Variants in LIMS1 observed in about 807,000 individuals in gnomAD.
LIMS1 encodes the protein LIM zinc finger domain containing 1, also known as LIM and senescent cell antigen-like-containing domain protein 1.
Under a neutral mutation model 44.1 loss-of-function variants are expected in LIMS1, and 18 were observed. That is an observed-to-expected ratio of 0.41 (90% confidence interval 0.28 to 0.61). LIMS1 has a LOEUF of 0.61. LIMS1 is among the 20% of genes least tolerant of loss of function. The probability of loss-of-function intolerance (pLI) is 0.32; values close to 1 mark genes in which losing one functional copy is unlikely to be tolerated. For missense variants in LIMS1, 201 were observed against 422.0 expected (o/e 0.48, Z 4.59); for synonymous variants, 93 against 149.1 (o/e 0.62, Z 2.74).
intron 1 of LIMS1, among the ~76,000 whole-genome samples, chr2:108,557,900 A>T (rs992255453): frequency 6.6e-6 from 1 of 152,220 alleles, no homozygotes; most frequent in African/African-American, 2.4e-5. Flanking sequence ...TGTGTGTGAG[A>T]ACAAATTGGT....
At chr2:108,623,234 G>C (rs1439521634) in intron 1 of LIMS1, among the ~76,000 whole-genome samples, 1 of 151,368 alleles carries the variant, frequency 6.6e-6, no homozygotes, top group African/African-American at 2.4e-5. Flanking sequence ...TTTTTAATCA[G>C]CTTAGGTGTA....
At chr2:108,633,042 C>T (rs1008115212) in intron 1 of LIMS1, among the ~76,000 whole-genome samples, 6 of 152,158 alleles carry the variant, frequency 3.9e-5, no homozygotes, top group African/African-American at 1.2e-4. Flanking sequence ...AGGAAGCATC[C>T]GTGTATCCCC....
At chr2:108,550,963 A>G (rs1327452913) in intron 1 of LIMS1, among the ~76,000 whole-genome samples, 4 of 152,226 alleles carry the variant, frequency 2.6e-5, no homozygotes, top group South Asian at 2.1e-4. Flanking sequence ...TCTACAAAAA[A>G]AAAATTGTTT....
rs1553459738 is a variant in LIMS1 at position 108,611,836 on chromosome 2, A to AAAT, written c.33-47768_33-47767insATA. ...GAAGTTGCTGTGAACCATGATCTAA[A>AAAT]ATATATATATATATATATACACACA... On this transcript the variant is annotated intron_variant, in intron 1 of 9. Transcript: ENST00000544547. 1.4e-3 allele frequency among the ~76,000 whole-genome samples: 187 copies of AAAT among 130,982 alleles called. 1 individual carries two copies. The highest frequency in any genetic ancestry group is 4.9e-3 in the African/African-American group (176 of 36,202). 85.9% of individuals were successfully genotyped at this position (130,982 alleles called of 152,430 possible). A position where few individuals can be genotyped will look rare whatever the true frequency, so the allele number is the denominator to read the frequency against.
chr2:108,657,548 A>T (rs1444108184), intron 1 of LIMS1, among the ~76,000 whole-genome samples: 681 of 151,812 alleles, frequency 4.5e-3, no homozygotes, highest in African/African-American at 0.016. Flanking sequence ...AGAAGCACAA[A>T]CCCCTCCAGA....
intron 1 of LIMS1, among the ~76,000 whole-genome samples, chr2:108,642,535 AT>A (rs1558824316): frequency 6.7e-6 from 1 of 150,298 alleles, no homozygotes; most frequent in African/African-American, 2.5e-5. Flanking sequence ...AATTTTTTGT[AT>A]TTTTCGTAGA....
chr2:108,551,658 G>GTA (rs915096911), intron 1 of LIMS1, among the ~76,000 whole-genome samples: 7 of 141,552 alleles, frequency 4.9e-5, no homozygotes, highest in South Asian at 2.1e-4. Context: ...GTATATATAT[G>GTA]TATATACACA....
chr2:108,563,594 G>C (rs377585675), intron 1 of LIMS1, among the ~76,000 whole-genome samples: 2 of 152,216 alleles, frequency 1.3e-5, no homozygotes, highest in South Asian at 2.1e-4. Context: ...GATAAAACTT[G>C]AACAGATGAG....
chr2:108,548,257 T>G (rs1278368313), intron 1 of LIMS1, among the ~76,000 whole-genome samples: 2 of 151,672 alleles, frequency 1.3e-5, no homozygotes, highest in African/African-American at 4.8e-5. Context: ...TAAGGGTAAT[T>G]GCTGAAACAA....
chr2:108,588,231 C>T (rs1686199003), intron 1 of LIMS1: 2 of 525,850 alleles, frequency 3.8e-6, no homozygotes, highest in Admixed American at 6.4e-5. Flanking sequence ...GTGGGGTTAT[C>T]GTGTAACACA....
intron 1 of LIMS1, among the ~76,000 whole-genome samples, chr2:108,587,287 GGTTTGTGTGTGT>G (rs1686148801): frequency 8.9e-6 from 1 of 111,820 alleles, no homozygotes; most frequent in East Asian, 3.0e-4. Context: ...GTTTTCTTGG[GGTTTGTGTGTGT>G]GTGTGTGTGT....
intron 1 of LIMS1, among the ~76,000 whole-genome samples, chr2:108,638,441 G>A (rs1689427218): frequency 1.3e-5 from 2 of 152,126 alleles, no homozygotes; most frequent in Non-Finnish European, 2.9e-5. Flanking sequence ...GGTGCCATGA[G>A]GGGTATAAAG....
intron 1 of LIMS1, among the ~76,000 whole-genome samples, chr2:108,612,011 T>TATTATATATACACATATATAAA (rs1687670312): frequency 2.2e-5 from 3 of 133,542 alleles, no homozygotes; most frequent in South Asian, 4.5e-4. Context: ...TACACACATA[T>TATTATATATACACATATATAAA]ATATATACAC....
At chr2:108,611,657 A>G (rs1687611386) in intron 1 of LIMS1, among the ~76,000 whole-genome samples, 1 of 151,762 alleles carries the variant, frequency 6.6e-6, no homozygotes, top group South Asian at 2.1e-4. Flanking sequence ...GGGCGTGGGG[A>G]TCGCTTGAGC....
At chr2:108,663,904 G>A (rs535713623) in intron 2 of LIMS1, among the ~76,000 whole-genome samples, 14 of 152,068 alleles carry the variant, frequency 9.2e-5, no homozygotes, top group Admixed American at 3.9e-4. Flanking sequence ...ACAGGCAGGC[G>A]CCACCATGCC....
At chr2:108,637,016 C>T (rs1689304124) in intron 1 of LIMS1, among the ~76,000 whole-genome samples, 3 of 151,564 alleles carry the variant, frequency 2.0e-5, no homozygotes, top group Admixed American at 6.6e-5. Flanking sequence ...TGAAATAATC[C>T]CTTGCCTTTC....
intron 1 of LIMS1, among the ~76,000 whole-genome samples, chr2:108,598,327 A>G (rs1331553421): frequency 6.6e-6 from 1 of 152,202 alleles, no homozygotes; most frequent in Non-Finnish European, 1.5e-5. Context: ...GTCACCTGGT[A>G]TGTCTTAGAT....
intron 1 of LIMS1, among the ~76,000 whole-genome samples, chr2:108,589,039 T>C (rs1249643744): frequency 6.6e-6 from 1 of 152,196 alleles, no homozygotes; most frequent in East Asian, 1.9e-4. Flanking sequence ...TTTTAAAACA[T>C]TATTTCTGCT....
chr2:108,632,821 G>A (rs531721273), intron 1 of LIMS1, among the ~76,000 whole-genome samples: 1 of 152,152 alleles, frequency 6.6e-6, no homozygotes, highest in East Asian at 1.9e-4. Flanking sequence ...AAACCAAAAG[G>A]AAGGTAAATT....
Sources: allele counts gnomAD v4.1 joint callset (sites outside exome capture counted in the v4.1 genomes callset), GRCh38; gene constraint gnomAD v4.1.1; transcripts MANE v1.5; gene names NCBI Gene and HGNC (gene_info 2026-07-23, HGNC 2026-07-21).